The following HSF2BP variants were observed in gnomAD, a reference collection of about 807,000 sequenced individuals.
HSF2BP encodes heat shock transcription factor 2 binding protein, also known as heat shock factor 2-binding protein.
HSF2BP carries 35 observed loss-of-function variants against 35.0 expected under a neutral mutation model. That is an observed-to-expected ratio of 1.00 (90% CI 0.76 to 1.32). The LOEUF (loss-of-function observed/expected upper bound fraction) is 1.32, where lower values mean the gene tolerates loss of function less well. HSF2BP is among the 40% of genes most tolerant of loss of function. The pLI, the probability that HSF2BP is intolerant of heterozygous loss-of-function variation, is 0.00. For missense variants in HSF2BP, 326 were observed against 321.7 expected (o/e 1.01, Z -0.10); for synonymous variants, 114 against 117.4 (o/e 0.97, Z 0.18).
chr21:43,594,870 T>C (rs186274979), intron 7 of HSF2BP, among the ~76,000 whole-genome samples: 2 of 152,340 alleles, frequency 1.3e-5, no homozygotes, highest in East Asian at 3.9e-4. Flanking sequence ...ATGAACAGGA[T>C]ACTCCTATTA....
intron 3 of HSF2BP, among the ~76,000 whole-genome samples, chr21:43,651,359 A>C (rs114993819): frequency 5.8e-4 from 88 of 152,256 alleles, no homozygotes; most frequent in African/African-American, 2.0e-3. Flanking sequence ...CCGATCATAA[A>C]TCATGACACT....
At chr21:43,647,716 G>A (rs3788068) in intron 3 of HSF2BP, among the ~76,000 whole-genome samples, 6,594 of 151,916 alleles carry the variant, frequency 0.043, 250 homozygotes, top group East Asian at 0.092. Context: ...GGTATGTGAG[G>A]TCAGGAGTTC....
At chr21:43,605,618 G>A (rs1049262702) in intron 7 of HSF2BP, among the ~76,000 whole-genome samples, 1 of 131,006 alleles carries the variant, frequency 7.6e-6, no homozygotes, top group African/African-American at 3.0e-5. Flanking sequence ...CCCTCACATA[G>A]CCACACACAC....
intron 7 of HSF2BP, among the ~76,000 whole-genome samples, chr21:43,606,979 C>G (rs1013596754): frequency 1.3e-5 from 2 of 152,170 alleles, no homozygotes; most frequent in East Asian, 3.8e-4. Flanking sequence ...TCCACTCTTA[C>G]CGCACCTATT....
intron 3 of HSF2BP, among the ~76,000 whole-genome samples, chr21:43,653,695 C>T (rs2082827554): frequency 6.6e-6 from 1 of 152,140 alleles, no homozygotes; most frequent in Non-Finnish European, 1.5e-5. Flanking sequence ...AGGTGAATGG[C>T]ATCATCAGAT....
At chr21:43,657,684 G>A (rs947476411) in intron 2 of HSF2BP, among the ~76,000 whole-genome samples, 1 of 152,262 alleles carries the variant, frequency 6.6e-6, no homozygotes, top group Non-Finnish European at 1.5e-5. Flanking sequence ...ATCGATGGAG[G>A]GCAGATTCTC....
Position 43,633,556 on chromosome 21 carries a change from T to C in HSF2BP, c.292-135A>G, listed in dbSNP as rs188032852. The C allele has an allele frequency of 2.3e-5, 19 of 816,660 alleles. No homozygotes were observed. In the East Asian group the frequency reaches 4.2e-4, roughly 18 times the overall value. 50.6% of individuals were successfully genotyped at this position (816,660 alleles called of 1,614,324 possible). A position where few individuals can be genotyped will look rare whatever the true frequency, so the allele number is the denominator to read the frequency against. On this transcript the variant is annotated intron_variant, in intron 4 of 8. Coordinates refer to ENST00000291560, the MANE Select transcript of HSF2BP (RefSeq NM_007031.2). ...ATAGAAAATAGTTGCAAATGAAAGCTAGTCCTAAGAGAACCATAATCTGTA... is the reference window on the plus strand; with the variant it reads ...ATAGAAAATAGTTGCAAATGAAAGCCAGTCCTAAGAGAACCATAATCTGTA...
intron 8 of HSF2BP, among the ~76,000 whole-genome samples, chr21:43,580,859 G>A (rs1454840811): frequency 2.6e-5 from 4 of 152,224 alleles, no homozygotes; most frequent in African/African-American, 4.8e-5. Context: ...TTCTGACAAT[G>A]CCACATATTT....
At chr21:43,612,097 G>A (rs1218302392) in intron 7 of HSF2BP, among the ~76,000 whole-genome samples, 2 of 152,160 alleles carry the variant, frequency 1.3e-5, no homozygotes, top group Non-Finnish European at 2.9e-5. Context: ...ACGACACACT[G>A]AAACCAAACA....
intron 4 of HSF2BP, among the ~76,000 whole-genome samples, chr21:43,643,052 C>T (rs1401045537): frequency 6.6e-5 from 10 of 151,888 alleles, no homozygotes; most frequent in African/African-American, 2.4e-4. Context: ...TATATCCAGG[C>T]CCCAAATTTT....
intron 7 of HSF2BP, among the ~76,000 whole-genome samples, chr21:43,596,539 A>C (rs2081989428): frequency 6.6e-6 from 1 of 152,164 alleles, no homozygotes; most frequent in African/African-American, 2.4e-5. Context: ...AGGGGAATGG[A>C]AAGCAGCCAA....
At position 43,644,322 on chromosome 21, in the gene HSF2BP, T is replaced by C. The variant is rs1216848108; in HGVS notation, c.258A>G (p.Glu86=). The change falls in exon 4 of 9, where the codon GAA becomes GAG. Residue 86 remains glutamate (E), a synonymous_variant. Coordinates refer to ENST00000291560, the MANE Select transcript of HSF2BP (RefSeq NM_007031.2). ...MDCEHFKARL[E]TVQADNIREK... ...CTCTTATGTTGTCGGCCTGCACGGTTTCCAGGCGGGCTTTAAAGTGCTCAC... is the reference window on the plus strand; with the variant it reads ...CTCTTATGTTGTCGGCCTGCACGGTCTCCAGGCGGGCTTTAAAGTGCTCAC... 1.5e-5 allele frequency: 25 copies of C among 1,614,002 alleles called. No individual in the cohort carries two copies. The South Asian group carries it at 2.5e-4, about 16-fold the overall frequency.
chr21:43,585,964 G>A (rs146446254), intron 8 of HSF2BP, among the ~76,000 whole-genome samples: 3 of 152,326 alleles, frequency 2.0e-5, no homozygotes, highest in Non-Finnish European at 4.4e-5. Context: ...TAGAGCTCGG[G>A]ACAGAGGTCT....
In HSF2BP at chr21:43,588,330, A is replaced by T. The variant is rs980174994; in HGVS notation, c.796+3895T>A. 2.6e-5 allele frequency among the ~76,000 whole-genome samples: 4 copies of T among 152,248 alleles called. No individual in the cohort carries two copies. In the South Asian group the frequency reaches 8.3e-4, roughly 32 times the overall value. On this transcript the variant is annotated intron_variant, in intron 8 of 8. Coordinates refer to ENST00000291560, the MANE Select transcript of HSF2BP (RefSeq NM_007031.2). ...GAGGCGGAAGTTGCAGTGAACCAAG[A>T]TTGCATCACTGCACTCCAGCCTGGG...
intron 7 of HSF2BP, among the ~76,000 whole-genome samples, chr21:43,612,773 C>A (rs1488101868): frequency 1.3e-5 from 2 of 151,916 alleles, no homozygotes; most frequent in Non-Finnish European, 2.9e-5. Context: ...TGAGGCCAGC[C>A]TAGGCAAGGT....
At chr21:43,651,697 G>T (rs1178821072) in intron 3 of HSF2BP, among the ~76,000 whole-genome samples, 1 of 152,002 alleles carries the variant, frequency 6.6e-6, no homozygotes, top group African/African-American at 2.4e-5. Context: ...ATTCCATACA[G>T]CAATCAAACA....
chr21:43,646,534 T>C (rs974914197), intron 3 of HSF2BP, among the ~76,000 whole-genome samples: 1 of 152,232 alleles, frequency 6.6e-6, no homozygotes, highest in African/African-American at 2.4e-5. Context: ...AACGGTATAT[T>C]ACTCAAACAT....
chr21:43,613,869 A>G lies in HSF2BP; in HGVS notation c.653T>C (p.Leu218Pro), dbSNP rs147200741. Residue 218 changes from leucine to proline, a missense_variant, in exon 7 of 9, where the codon CTG (leucine) becomes CCG (proline). Physicochemically the swap from Leu to Pro is moderately conservative, Grantham distance 98. Transcript: ENST00000291560. Reference sequence around the variant, plus strand: ...ACACTGTCCTGGCTTCAAGTCTCCCAGAAGCTGCAATATGGTGTCCAAGAG... The same window carrying G: ...ACACTGTCCTGGCTTCAAGTCTCCCGGAAGCTGCAATATGGTGTCCAAGAG... ...RVLLDTILQLLGDLKPGQCTK... is the reference protein window; with the variant it reads ...RVLLDTILQLPGDLKPGQCTK... The G allele has an allele frequency of 3.1e-6, 5 of 1,613,808 alleles. No homozygotes were observed. The African/African-American group carries it at 6.7e-5, about 22-fold the overall frequency.
intron 6 of HSF2BP, among the ~76,000 whole-genome samples, chr21:43,621,362 A>G (rs1178829929): frequency 6.6e-6 from 1 of 152,144 alleles, no homozygotes. Context: ...CCCTGTCTCC[A>G]CTAAGAAAAC....
Sources: allele counts gnomAD v4.1 joint callset (sites outside exome capture counted in the v4.1 genomes callset), GRCh38; gene constraint gnomAD v4.1.1; transcripts MANE v1.5; gene names NCBI Gene and HGNC (gene_info 2026-07-23, HGNC 2026-07-21).